MIPOL1: variants seen among roughly 807,000 people sequenced by gnomAD.
MIPOL1 encodes the protein mirror-image polydactyly gene 1 protein.
In MIPOL1, 57 loss-of-function variants were observed where a neutral mutation model predicts 60.9. The ratio of observed to expected loss-of-function variants is 0.94; its 90% CI spans 0.76 to 1.17. The LOEUF (loss-of-function observed/expected upper bound fraction) is 1.17, where lower values mean the gene tolerates loss of function less well. MIPOL1 is among the 50% of genes most tolerant of loss of function. The probability of loss-of-function intolerance (pLI) is 0.00; values close to 1 mark genes in which losing one functional copy is unlikely to be tolerated. For synonymous variants in MIPOL1, 179 were observed against 168.8 expected (o/e 1.06, Z -0.47); for missense variants, 551 against 511.6 (o/e 1.08, Z -0.74).
At chr14:37,458,085 TAA>T (rs1386460664) in intron 11 of MIPOL1, among the ~76,000 whole-genome samples, 2 of 151,014 alleles carry the variant, frequency 1.3e-5, no homozygotes, top group South Asian at 2.1e-4. Context: ...AAAAAAAAGA[TAA>T]AGTCATTATA....
chr14:37,529,730 C>A (rs1370279074), intron 12 of MIPOL1, among the ~76,000 whole-genome samples: 1 of 152,002 alleles, frequency 6.6e-6, no homozygotes, highest in Non-Finnish European at 1.5e-5. Flanking sequence ...GAGGGTAATA[C>A]AGAGGAGAGA....
At chr14:37,306,756 G>T (rs2086816385) in intron 7 of MIPOL1, among the ~76,000 whole-genome samples, 1 of 151,748 alleles carries the variant, frequency 6.6e-6, no homozygotes, top group African/African-American at 2.4e-5. Context: ...GAGATGAAAA[G>T]AAGTGTTTAT....
chr14:37,344,959 G>A (rs911289864), intron 9 of MIPOL1, among the ~76,000 whole-genome samples: 6 of 149,020 alleles, frequency 4.0e-5, no homozygotes, highest in Non-Finnish European at 8.9e-5. Context: ...GAGCCCAGGA[G>A]TACGAGGCTG....
intron 1 of MIPOL1, among the ~76,000 whole-genome samples, chr14:37,245,350 A>T (rs946853952): frequency 6.6e-6 from 1 of 152,176 alleles, no homozygotes; most frequent in African/African-American, 2.4e-5. Flanking sequence ...ATGAATGGTC[A>T]TTTAAGAGGA....
In MIPOL1 at chr14:37,288,634, T is replaced by C. The variant is rs1294640661; in HGVS notation, c.623+3187T>C. On this transcript the variant is annotated intron_variant, in intron 7 of 12. Transcript: ENST00000684589. Reference sequence around the variant, plus strand: ...TTGTGGGCAACGTAGTGGGATCCTGTTTCTACAAAAAAAATTATTTAAAAG... The same window carrying C: ...TTGTGGGCAACGTAGTGGGATCCTGCTTCTACAAAAAAAATTATTTAAAAG... Among the ~76,000 whole-genome samples, 4 of 151,920 alleles carry C rather than the reference T, an allele frequency of 2.6e-5. No homozygotes were observed. In the East Asian group the frequency reaches 7.7e-4, roughly 29 times the overall value.
intron 7 of MIPOL1, among the ~76,000 whole-genome samples, chr14:37,298,602 C>G (rs1325562219): frequency 6.6e-6 from 1 of 151,936 alleles, no homozygotes; most frequent in Admixed American, 6.6e-5. Flanking sequence ...AACAAATTTA[C>G]AAGAAAAAAA....
At chr14:37,228,587 A>G (rs1024431230) in intron 1 of MIPOL1, among the ~76,000 whole-genome samples, 2 of 152,118 alleles carry the variant, frequency 1.3e-5, no homozygotes, top group Non-Finnish European at 2.9e-5. Flanking sequence ...GAATAGCAGA[A>G]AACTTTGTAT....
chr14:37,308,546 A>G lies in MIPOL1; in HGVS notation c.828+27A>G. 4.2e-6 allele frequency: 6 copies of G among 1,437,608 alleles called. No homozygotes were observed. The South Asian group carries it at 6.8e-5, about 16-fold the overall frequency. The allele number at this position is 1,437,608 out of a possible 1,614,324, so 89.1% of individuals were successfully genotyped here. On this transcript the variant is annotated intron_variant, in intron 9 of 12. Coordinates refer to ENST00000684589, the MANE Select transcript of MIPOL1 (RefSeq NM_001388067.1). The stretch of plus-strand genomic sequence containing the variant: ...TAACTCTGCATATATCTGTAAAAGC[A>G]TATACTTACCATTTTCCTCTCTATT...
At chr14:37,462,205 C>T (rs2094547696) in intron 11 of MIPOL1, among the ~76,000 whole-genome samples, 3 of 152,206 alleles carry the variant, frequency 2.0e-5, no homozygotes, top group African/African-American at 7.2e-5. Flanking sequence ...GGCTTAACAC[C>T]ACGTGGAAGC....
intron 9 of MIPOL1, among the ~76,000 whole-genome samples, chr14:37,320,355 T>C (rs1799786092): frequency 6.6e-6 from 1 of 152,110 alleles, no homozygotes; most frequent in Admixed American, 6.6e-5. Flanking sequence ...GGGTGTATAG[T>C]CATATTTCAT....
chr14:37,296,439 AG>A (rs2085692050), intron 7 of MIPOL1, among the ~76,000 whole-genome samples: 1 of 152,236 alleles, frequency 6.6e-6, no homozygotes, highest in Admixed American at 6.5e-5. Flanking sequence ...GCATAAGGCA[AG>A]AAATAACTAA....
intron 9 of MIPOL1, among the ~76,000 whole-genome samples, chr14:37,327,223 C>G (rs2089246809): frequency 6.6e-6 from 1 of 151,936 alleles, no homozygotes. Flanking sequence ...TGGAAGAAAT[C>G]CAGGTAAGAA....
intron 1 of MIPOL1, among the ~76,000 whole-genome samples, chr14:37,200,055 C>T (rs948969187): frequency 6.6e-6 from 1 of 152,110 alleles, no homozygotes; most frequent in African/African-American, 2.4e-5. Context: ...GGGGTTTTCC[C>T]ATAATTTCCC....
chr14:37,437,440 A>C (rs940308362), intron 11 of MIPOL1, among the ~76,000 whole-genome samples: 2 of 152,174 alleles, frequency 1.3e-5, no homozygotes, highest in Non-Finnish European at 2.9e-5. Flanking sequence ...ACATGAAAAA[A>C]GGTGAAAATT....
intron 11 of MIPOL1, among the ~76,000 whole-genome samples, chr14:37,444,680 C>G (rs183015336): frequency 6.5e-4 from 99 of 152,042 alleles, no homozygotes; most frequent in Non-Finnish European, 1.2e-3. Flanking sequence ...ATATATAGAT[C>G]CGGAGGATAA....
Position 37,369,544 on chromosome 14 carries a change from C to A in MIPOL1, c.856C>A (p.His286Asn). The A allele has an allele frequency of 6.2e-7, 1 of 1,613,238 alleles. No individual in the cohort carries two copies. Among genetic ancestry groups the A allele is most frequent in the Non-Finnish European group, 8.5e-7 (1 of 1,179,458 alleles). ...CAAACGGTTAGAGCAGGAGCTTCATCATGTGAAAGAGCAGAACCAGACTTC... is the reference window on the plus strand; with the variant it reads ...CAAACGGTTAGAGCAGGAGCTTCATAATGTGAAAGAGCAGAACCAGACTTC... ...KCKRLEQELHHVKEQNQTSAN... is the reference protein window; with the variant it reads ...KCKRLEQELHNVKEQNQTSAN... Residue 286 changes from histidine (H) to asparagine (N), a missense_variant, in exon 10 of 13, where the codon CAT (histidine) becomes AAT (asparagine). Transcript: ENST00000684589.
At chr14:37,385,621 T>C (rs1195937549) in intron 10 of MIPOL1, 1 of 152,096 alleles carries the variant, frequency 6.6e-6, no homozygotes, top group Non-Finnish European at 1.5e-5. Flanking sequence ...TTGGTTCTTC[T>C]ATTTTATACA....
chr14:37,458,673 C>T (rs2094504242), intron 11 of MIPOL1, among the ~76,000 whole-genome samples: 1 of 151,548 alleles, frequency 6.6e-6, no homozygotes, highest in South Asian at 2.1e-4. Flanking sequence ...AAAATACACA[C>T]ACACACATAC....
intron 1 of MIPOL1, among the ~76,000 whole-genome samples, chr14:37,245,056 A>G (rs1972972783): frequency 1.3e-5 from 2 of 152,192 alleles, no homozygotes. Context: ...TCTGAGCTAT[A>G]GGATTCACAG....
Sources: allele counts gnomAD v4.1 joint callset (sites outside exome capture counted in the v4.1 genomes callset), GRCh38; gene constraint gnomAD v4.1.1; transcripts MANE v1.5; gene names NCBI Gene and HGNC (gene_info 2026-07-23, HGNC 2026-07-21).